Variants in PRELID2 observed in about 807,000 individuals in gnomAD.
PRELID2 encodes PRELI domain containing 2, also known as PRELI domain-containing protein 2.
PRELID2 carries 25 observed loss-of-function variants against 28.4 expected under a neutral mutation model. The ratio of observed to expected loss-of-function variants is 0.88; its 90% CI spans 0.64 to 1.23. The LOEUF (loss-of-function observed/expected upper bound fraction) is 1.23. Ranked by LOEUF, PRELID2 falls within the 50% of genes most tolerant of loss-of-function variation. The probability of loss-of-function intolerance (pLI) is 0.00; values close to 1 mark genes in which losing one functional copy is unlikely to be tolerated. For synonymous variants in PRELID2, 76 were observed against 71.6 expected (o/e 1.06, Z -0.31); for missense variants, 201 against 214.4 (o/e 0.94, Z 0.39).
chr5:145,274,761 T>G, the PRELID2 span, among the ~76,000 whole-genome samples: 3 of 151,898 alleles, frequency 2.0e-5, no homozygotes, highest in African/African-American at 7.3e-5. Flanking sequence ...GGAAATAGAG[T>G]CAAAGAAAGG....
the PRELID2 span, among the ~76,000 whole-genome samples, chr5:145,334,751 C>T: frequency 1.3e-5 from 2 of 149,628 alleles, no homozygotes; most frequent in Non-Finnish European, 3.0e-5. Flanking sequence ...CTTTGCCAAG[C>T]ATAGTATTCT....
intron 1 of PRELID2, among the ~76,000 whole-genome samples, chr5:145,727,465 G>A (rs1481419631): frequency 6.6e-6 from 1 of 152,164 alleles, no homozygotes; most frequent in African/African-American, 2.4e-5. Context: ...CCCTGCCTCA[G>A]CTTCTCCCAA....
chr5:145,413,915 A>G, the PRELID2 span, among the ~76,000 whole-genome samples: 1 of 152,198 alleles, frequency 6.6e-6, no homozygotes, highest in Non-Finnish European at 1.5e-5. Context: ...TTGTGTCTAT[A>G]TAACACATCT....
chr5:145,401,514 C>A, the PRELID2 span, among the ~76,000 whole-genome samples: 1 of 152,114 alleles, frequency 6.6e-6, no homozygotes, highest in Admixed American at 6.6e-5. Context: ...TATAACAGCT[C>A]TATGATGAAG....
At chr5:145,724,647 A>ATATATATATATATAT (rs67887334) in intron 1 of PRELID2, among the ~76,000 whole-genome samples, 27 of 121,774 alleles carry the variant, frequency 2.2e-4, no homozygotes, top group Non-Finnish European at 3.7e-4. Context: ...ATATATATAT[A>ATATATATATATATAT]ATGCCTGTAA....
intron 1 of PRELID2, among the ~76,000 whole-genome samples, chr5:145,511,486 A>G (rs916748284): frequency 3.3e-5 from 5 of 152,218 alleles, no homozygotes; most frequent in Admixed American, 3.3e-4. Flanking sequence ...TCTGAAGGGA[A>G]CAGAATACCC....
At chr5:145,395,264 C>T in the PRELID2 span, among the ~76,000 whole-genome samples, 1 of 152,164 alleles carries the variant, frequency 6.6e-6, no homozygotes, top group Non-Finnish European at 1.5e-5. Flanking sequence ...CAACTGACTT[C>T]GGAACTCCAA....
chr5:145,499,570 C>T (rs1752339712), intron 1 of PRELID2, among the ~76,000 whole-genome samples: 1 of 152,160 alleles, frequency 6.6e-6, no homozygotes, highest in Non-Finnish European at 1.5e-5. Context: ...GGTCAGGCAT[C>T]TATGCCAGAG....
At chr5:145,559,267 A>G (rs1039159078) in intron 1 of PRELID2, among the ~76,000 whole-genome samples, 2 of 152,150 alleles carry the variant, frequency 1.3e-5, no homozygotes, top group African/African-American at 4.8e-5. Context: ...AGAAAAAAAA[A>G]AAAAGCGTTT....
chr5:145,310,932 T>C, the PRELID2 span, among the ~76,000 whole-genome samples: 4 of 152,164 alleles, frequency 2.6e-5, no homozygotes, highest in Admixed American at 2.0e-4. Context: ...AGCCTGAATA[T>C]TTCAGTTCTG....
chr5:145,541,892 C>CA (rs1174310016), intron 1 of PRELID2, among the ~76,000 whole-genome samples: 3 of 151,178 alleles, frequency 2.0e-5, no homozygotes, highest in African/African-American at 7.3e-5. Context: ...TATAAGTAAA[C>CA]AAAAATTTTA....
At chr5:145,654,625 T>C (rs567763167) in intron 1 of PRELID2, among the ~76,000 whole-genome samples, 7 of 152,170 alleles carry the variant, frequency 4.6e-5, no homozygotes, top group African/African-American at 1.4e-4. Flanking sequence ...ATCCAGCATA[T>C]AAGCAGAAAC....
At chr5:145,421,633 T>C in the PRELID2 span, among the ~76,000 whole-genome samples, 4 of 139,984 alleles carry the variant, frequency 2.9e-5, no homozygotes, top group Non-Finnish European at 4.7e-5. Flanking sequence ...TTTTTTTCTT[T>C]ATTAGTCTTG....
intron 1 of PRELID2, among the ~76,000 whole-genome samples, chr5:145,524,273 CT>C (rs1407839408): frequency 6.6e-6 from 1 of 152,214 alleles, no homozygotes; most frequent in Non-Finnish European, 1.5e-5. Flanking sequence ...CTGCCACTTG[CT>C]TTCAGCCCAT....
At chr5:145,801,816 C>T (rs76789912) in intron 4 of PRELID2, among the ~76,000 whole-genome samples, 2,495 of 152,328 alleles carry the variant, frequency 0.016, 23 homozygotes, top group Non-Finnish European at 0.025. Flanking sequence ...TCTCTAGAAT[C>T]AATCTAAACA....
intron 1 of PRELID2, among the ~76,000 whole-genome samples, chr5:145,634,083 T>A (rs1372153269): frequency 1.3e-5 from 2 of 152,184 alleles, no homozygotes; most frequent in African/African-American, 4.8e-5. Context: ...GAGGAGATAA[T>A]CCCAGAAAAT....
intron 1 of PRELID2, among the ~76,000 whole-genome samples, chr5:145,696,949 A>G (rs1308381250): frequency 6.7e-6 from 1 of 149,930 alleles, no homozygotes; most frequent in Non-Finnish European, 1.5e-5. Context: ...AAGCCAAGAC[A>G]GGAAGAATAA....
intron 1 of PRELID2, among the ~76,000 whole-genome samples, chr5:145,601,905 C>T (rs1355330018): frequency 6.6e-6 from 1 of 152,170 alleles, no homozygotes; most frequent in Non-Finnish European, 1.5e-5. Flanking sequence ...GTAACTAAAG[C>T]TCATTCCTAC....
the PRELID2 span, among the ~76,000 whole-genome samples, chr5:145,427,428 G>A: frequency 6.6e-6 from 1 of 152,108 alleles, no homozygotes; most frequent in Non-Finnish European, 1.5e-5. Context: ...ATTCAGACAA[G>A]AATCTAAAAT....
Sources: allele counts gnomAD v4.1 joint callset (sites outside exome capture counted in the v4.1 genomes callset), GRCh38; gene constraint gnomAD v4.1.1; transcripts MANE v1.5; gene names NCBI Gene and HGNC (gene_info 2026-07-23, HGNC 2026-07-21).